The following GPC6 variants were observed in gnomAD, a reference collection of about 807,000 sequenced individuals.
GPC6 encodes the protein glypican-6.
GPC6 carries 14 observed loss-of-function variants against 55.2 expected under a neutral mutation model. The observed-to-expected ratio is 0.25, with a 90% confidence interval of 0.17 to 0.40. GPC6 has a LOEUF of 0.40. Ranked by LOEUF, GPC6 falls within the 10% of genes least tolerant of loss-of-function variation. The pLI is 1.00. For missense variants in GPC6, 641 were observed against 708.5 expected, an observed-to-expected ratio of 0.90 and a Z score of 1.08; for synonymous variants, 278 against 259.6, an observed-to-expected ratio of 1.07 and a Z score of -0.68.
intron 2 of GPC6, among the ~76,000 whole-genome samples, chr13:93,699,042 T>C (rs1011907374): frequency 1.3e-5 from 2 of 152,048 alleles, no homozygotes; most frequent in Non-Finnish European, 2.9e-5. Context: ...AAGTAGAATA[T>C]CCAGCAGTCC....
chr13:93,557,519 G>A (rs1431463020), intron 2 of GPC6, among the ~76,000 whole-genome samples: 1 of 152,116 alleles, frequency 6.6e-6, no homozygotes. Context: ...TGTTCTTCTT[G>A]ACCACTAGTC....
At chr13:94,352,561 T>G (rs1594197376) in intron 6 of GPC6, among the ~76,000 whole-genome samples, 1 of 152,024 alleles carries the variant, frequency 6.6e-6, no homozygotes, top group Admixed American at 6.5e-5. Flanking sequence ...CAACGGAAGG[T>G]CACAATTCCC....
chr13:93,751,148 CA>C (rs915745863), intron 2 of GPC6, among the ~76,000 whole-genome samples: 2 of 120,666 alleles, frequency 1.7e-5, no homozygotes, highest in Non-Finnish European at 3.4e-5. Context: ...TTTCAAGTCC[CA>C]AAAAAAGAAA....
In GPC6 at chr13:93,584,828, A is replaced by G. The variant is rs565377228; in HGVS notation, c.319+39407A>G. ...CTTAGTCTCCAAAGTAGCTGGGCCT[A>G]TAGGCATGCACCACCATGTTCAGCG... On this transcript the variant is annotated intron_variant, in intron 2 of 8. Coordinates refer to ENST00000377047, the MANE Select transcript of GPC6 (RefSeq NM_005708.5). 2.6e-5 allele frequency among the ~76,000 whole-genome samples: 4 copies of G among 151,402 alleles called. No individual in the cohort carries two copies. The South Asian group carries it at 6.3e-4, about 24-fold the overall frequency.
chr13:93,377,074 T>A (rs1874932377), intron 1 of GPC6, among the ~76,000 whole-genome samples: 1 of 152,232 alleles, frequency 6.6e-6, no homozygotes, highest in African/African-American at 2.4e-5. Flanking sequence ...AATGCACAGT[T>A]GTACAAATGT....
chr13:93,933,505 T>G (rs910818497), intron 3 of GPC6, among the ~76,000 whole-genome samples: 1 of 151,800 alleles, frequency 6.6e-6, no homozygotes, highest in South Asian at 2.1e-4. Flanking sequence ...TCTCTGGGCC[T>G]CAGAGTTTCT....
chr13:93,359,826 A>G (rs1038268178), intron 1 of GPC6, among the ~76,000 whole-genome samples: 1 of 152,162 alleles, frequency 6.6e-6, no homozygotes, highest in Non-Finnish European at 1.5e-5. Flanking sequence ...CATTCTGTTC[A>G]TATAATCTGA....
intron 2 of GPC6, among the ~76,000 whole-genome samples, chr13:93,676,706 G>A (rs892077631): frequency 5.9e-5 from 9 of 152,138 alleles, no homozygotes; most frequent in Non-Finnish European, 8.8e-5. Flanking sequence ...CTTAGGGAGT[G>A]TGTTCTGTAT....
chr13:93,989,913 T>TAC (rs199681716), intron 3 of GPC6, among the ~76,000 whole-genome samples: 3,750 of 127,782 alleles, frequency 0.029, 174 homozygotes, highest in African/African-American at 0.091. Flanking sequence ...TATATATATA[T>TAC]ACACACATAT....
At chr13:94,258,686 G>T (rs1410865719) in intron 4 of GPC6, among the ~76,000 whole-genome samples, 2 of 152,146 alleles carry the variant, frequency 1.3e-5, no homozygotes, top group Non-Finnish European at 2.9e-5. Flanking sequence ...AGGCTTAGAG[G>T]CACAACACTG....
chr13:94,248,029 TTGTC>T (rs532096777), intron 4 of GPC6, among the ~76,000 whole-genome samples: 1 of 152,054 alleles, frequency 6.6e-6, no homozygotes, highest in Non-Finnish European at 1.5e-5. Context: ...TATGGTGTCT[TTGTC>T]TGAGTTAGGT....
rs536679836 is a variant in GPC6 at position 93,545,752 on chromosome 13, G to T, written c.319+331G>T. On this transcript the variant is annotated intron_variant, in intron 2 of 8. Transcript: ENST00000377047. The stretch of plus-strand genomic sequence containing the variant: ...ACTGCAGCTTGTCTAGTTTTCATAT[G>T]GGGATTCTCCTTAAAAAATAAGCGT... Among the ~76,000 whole-genome samples, 5 of 152,194 alleles carry T rather than the reference G, an allele frequency of 3.3e-5. No homozygotes were observed. In the South Asian group the frequency reaches 1.0e-3, roughly 32 times the overall value.
At chr13:94,167,103 G>A (rs1174013190) in intron 4 of GPC6, among the ~76,000 whole-genome samples, 1 of 152,098 alleles carries the variant, frequency 6.6e-6, no homozygotes, top group Admixed American at 6.5e-5. Flanking sequence ...TATATTATCA[G>A]CCAGCCAAAT....
intron 2 of GPC6, among the ~76,000 whole-genome samples, chr13:93,662,810 TG>T (rs1880979218): frequency 6.6e-6 from 1 of 152,090 alleles, no homozygotes; most frequent in Non-Finnish European, 1.5e-5. Flanking sequence ...TAATTCCTAA[TG>T]GGACACCAGG....
chr13:94,338,541 C>A (rs1268582005), intron 6 of GPC6, among the ~76,000 whole-genome samples: 1 of 152,180 alleles, frequency 6.6e-6, no homozygotes, highest in Non-Finnish European at 1.5e-5. Context: ...AGCCATGGTC[C>A]ATTTTTCCCA....
intron 1 of GPC6, among the ~76,000 whole-genome samples, chr13:93,383,691 A>G (rs1321235279): frequency 1.3e-5 from 2 of 152,094 alleles, no homozygotes; most frequent in Non-Finnish European, 2.9e-5. Flanking sequence ...TACTAAGAGA[A>G]GAAACTGTTT....
rs140196319 is a variant in GPC6, at chr13:94,398,517, C to A, written c.1341C>A (p.Pro447=). The part of the protein sequence containing the change: ...NDGLTNQINN[P]EVDVDITRPD... ...GGCTCACCAACCAGATCAACAATCCCGAGGTGGATGTGGACATCACTCGGC... is the reference window on the plus strand; with the variant it reads ...GGCTCACCAACCAGATCAACAATCCAGAGGTGGATGTGGACATCACTCGGC... Residue 447 remains proline, a synonymous_variant, in exon 8 of 9, where the codon CCC becomes CCA. Coordinates refer to ENST00000377047, the MANE Select transcript of GPC6 (RefSeq NM_005708.5). 1 of 1,613,676 alleles carries A rather than the reference C, an allele frequency of 6.2e-7. No individual in the cohort carries two copies. The highest frequency in any genetic ancestry group is 8.5e-7 in the Non-Finnish European group (1 of 1,179,598).
chr13:94,021,143 T>A (rs1465489187), intron 3 of GPC6, among the ~76,000 whole-genome samples: 3 of 152,042 alleles, frequency 2.0e-5, no homozygotes, highest in South Asian at 2.1e-4. Context: ...AGCTGAATGT[T>A]TTACTTACAT....
chr13:94,325,445 T>C (rs192287705), intron 6 of GPC6, among the ~76,000 whole-genome samples: 30 of 152,342 alleles, frequency 2.0e-4, no homozygotes, highest in Admixed American at 7.2e-4. Flanking sequence ...ATCACTGTTA[T>C]ATTCTCAAAG....
Sources: gnomAD v4.1 joint callset for allele counts (sites outside exome capture counted in the v4.1 genomes callset) on GRCh38, gnomAD v4.1.1 for gene constraint, MANE v1.5 for transcripts, NCBI Gene and HGNC (gene_info 2026-07-23, HGNC 2026-07-21) for gene names.